Variants in DNAJC6 observed in about 807,000 individuals in gnomAD.
DNAJC6 encodes DnaJ heat shock protein family (Hsp40) member C6.
A neutral mutation model predicts 110.0 loss-of-function variants in DNAJC6; 34 were observed. That is an observed-to-expected ratio of 0.31 (90% CI 0.24 to 0.41). The LOEUF is 0.41. Ranked by LOEUF, DNAJC6 falls within the 10% of genes least tolerant of loss-of-function variation. DNAJC6 has a pLI of 1.00. For missense variants in DNAJC6, 1,031 were observed against 1,207.8 expected, an observed-to-expected ratio of 0.85 and a Z score of 2.17; for synonymous variants, 406 against 437.2, an observed-to-expected ratio of 0.93 and a Z score of 0.89.
At chr1:65,284,414 A>G (rs1342280620) in intron 1 of DNAJC6, among the ~76,000 whole-genome samples, 1 of 152,172 alleles carries the variant, frequency 6.6e-6, no homozygotes, top group Non-Finnish European at 1.5e-5. Context: ...GTCTATTTTC[A>G]GACTTCCCTT....
intron 1 of DNAJC6, among the ~76,000 whole-genome samples, chr1:65,353,039 C>T (rs1570315574): frequency 2.0e-5 from 3 of 152,260 alleles, no homozygotes; most frequent in Admixed American, 2.0e-4. Context: ...ACCATCAGTC[C>T]TCTGCTATCT....
Position 65,356,651 on chromosome 1 carries a change from TA to T in DNAJC6, c.194-7983del, listed in dbSNP as rs573261971. Among the ~76,000 whole-genome samples the T allele has an allele frequency of 1.9e-3, 296 of 152,144 alleles. 1 individual carries two copies. The highest frequency in any genetic ancestry group is 6.9e-3 in the African/African-American group (288 of 41,526). ...TTCTGGTCATTTTAGAAGATCTCAT[TA>T]CATAAAAATCACAATGTCATGCGTG... On this transcript the variant is annotated intron_variant, in intron 1 of 18. Coordinates refer to ENST00000371069, the MANE Select transcript of DNAJC6 (RefSeq NM_001256864.2).
chr1:65,292,333 G>GGT (rs1644885736), intron 1 of DNAJC6, among the ~76,000 whole-genome samples: 1 of 127,580 alleles, frequency 7.8e-6, no homozygotes, highest in African/African-American at 3.1e-5. Flanking sequence ...TTTTTTTTTT[G>GGT]TTTTTTTTTT....
chr1:65,298,594 C>CT (rs34188157), intron 1 of DNAJC6, among the ~76,000 whole-genome samples: 9,641 of 146,794 alleles, frequency 0.066, 995 homozygotes, highest in African/African-American at 0.22. Context: ...CTGACCATGA[C>CT]TTTTTTTTTT....
intron 7 of DNAJC6, among the ~76,000 whole-genome samples, chr1:65,386,201 T>C (rs1488215519): frequency 6.6e-6 from 1 of 152,110 alleles, no homozygotes; most frequent in East Asian, 1.9e-4. Flanking sequence ...ATGGCCTTGA[T>C]GGGATTAGGT....
chr1:65,399,522 T>C (rs1013359962), intron 14 of DNAJC6, among the ~76,000 whole-genome samples: 6 of 152,296 alleles, frequency 3.9e-5, no homozygotes, highest in Middle Eastern at 6.8e-3. Context: ...CTGTTTCCTT[T>C]TTTTATTGTA....
intron 1 of DNAJC6, 93 bp downstream of exon 1, chr1:65,310,031 G>GC: frequency 7.4e-7 from 1 of 1,351,910 alleles, no homozygotes; most frequent in South Asian, 1.7e-5. Flanking sequence ...TGGTCCCCCA[G>GC]CCCCGGTTTG....
At chr1:65,290,135 C>T (rs188917079) in intron 1 of DNAJC6, among the ~76,000 whole-genome samples, 4 of 152,246 alleles carry the variant, frequency 2.6e-5, no homozygotes, top group Non-Finnish European at 4.4e-5. Flanking sequence ...AAACAACACA[C>T]GTATATATCT....
chr1:65,415,034 C>T lies in DNAJC6; in HGVS notation c.*2009C>T, dbSNP rs1457362902. 6.6e-6 allele frequency: 1 copy of T among 152,076 alleles called. No homozygotes were observed. The allele number at this position is 152,076 out of a possible 1,614,324, so 9.4% of individuals were successfully genotyped here. On this transcript the variant is annotated 3_prime_UTR_variant, in exon 19 of 19. Coordinates refer to ENST00000371069, the MANE Select transcript of DNAJC6 (RefSeq NM_001256864.2). ...TCTTACTTAAATTTGGAGATTTTCC[C>T]CCACATCTCTTTTCCGGATACATTA...
chr1:65,297,223 G>A (rs12047806), intron 1 of DNAJC6, among the ~76,000 whole-genome samples: 36 of 152,106 alleles, frequency 2.4e-4, no homozygotes, highest in African/African-American at 8.4e-4. Flanking sequence ...AGGGGGAAGT[G>A]GTGAAGGCTG....
intron 1 of DNAJC6, among the ~76,000 whole-genome samples, chr1:65,346,615 C>T (rs181426679): frequency 3.7e-4 from 57 of 152,122 alleles, no homozygotes; most frequent in African/African-American, 1.3e-3. Flanking sequence ...TTTTCAGAGA[C>T]CCCTGCCCCA....
intron 16 of DNAJC6, among the ~76,000 whole-genome samples, chr1:65,408,331 T>C (rs2101639168): frequency 6.6e-6 from 1 of 152,312 alleles, no homozygotes; most frequent in East Asian, 1.9e-4. Flanking sequence ...TATGAGTTAG[T>C]TATAATCTGG....
intron 1 of DNAJC6, among the ~76,000 whole-genome samples, chr1:65,270,437 G>A (rs192877966): frequency 2.0e-5 from 3 of 152,196 alleles, no homozygotes; most frequent in Admixed American, 2.0e-4. Flanking sequence ...ACCCCTGAAT[G>A]TTTTAAAATA....
intron 1 of DNAJC6, among the ~76,000 whole-genome samples, chr1:65,287,146 G>C (rs532227827): frequency 2.0e-5 from 3 of 152,350 alleles, no homozygotes; most frequent in Admixed American, 6.5e-5. Flanking sequence ...GAATAGGGTA[G>C]ATTGGAAGTA....
intron 1 of DNAJC6, among the ~76,000 whole-genome samples, chr1:65,338,436 G>A (rs1016738937): frequency 1.3e-5 from 2 of 152,068 alleles, no homozygotes; most frequent in African/African-American, 4.8e-5. Context: ...GTTACTTGAG[G>A]TAGTTTCTCT....
intron 11 of DNAJC6, among the ~76,000 whole-genome samples, chr1:65,391,290 A>C (rs1645923346): frequency 6.6e-6 from 1 of 152,162 alleles, no homozygotes; most frequent in African/African-American, 2.4e-5. Flanking sequence ...TTTCCTTTTC[A>C]TAGCTTATTA....
At chr1:65,299,060 T>A (rs1256544714) in intron 1 of DNAJC6, 1 of 152,250 alleles carries the variant, frequency 6.6e-6, no homozygotes, top group Non-Finnish European at 1.5e-5. Context: ...TTGATAAGTA[T>A]TGATGCTGAG....
intron 1 of DNAJC6, among the ~76,000 whole-genome samples, chr1:65,286,131 A>G (rs1256579605): frequency 6.6e-6 from 1 of 151,758 alleles, no homozygotes; most frequent in Non-Finnish European, 1.5e-5. Context: ...AATTAACCCC[A>G]CTCTTGCTGT....
intron 1 of DNAJC6, among the ~76,000 whole-genome samples, chr1:65,357,065 C>T (rs938381137): frequency 7.2e-5 from 11 of 152,158 alleles, no homozygotes; most frequent in South Asian, 2.1e-4. Context: ...GATAATGACA[C>T]GAGTTCCTTC....
Sources: allele counts gnomAD v4.1 joint callset (sites outside exome capture counted in the v4.1 genomes callset), GRCh38; gene constraint gnomAD v4.1.1; transcripts MANE v1.5; gene names NCBI Gene and HGNC (gene_info 2026-07-23, HGNC 2026-07-21).